Variants in MAN1C1 observed in about 807,000 individuals in gnomAD.
The protein encoded by MAN1C1 is mannosyl-oligosaccharide 1,2-alpha-mannosidase IC.
In MAN1C1, 49 loss-of-function variants were observed where a neutral mutation model predicts 71.5. That is an observed-to-expected ratio of 0.69 (90% CI 0.54 to 0.87). The LOEUF (loss-of-function observed/expected upper bound fraction) is 0.87, where lower values mean the gene tolerates loss of function less well. MAN1C1 is among the 40% of genes least tolerant of loss of function. The pLI, the probability that MAN1C1 is intolerant of heterozygous loss-of-function variation, is 0.00. For synonymous variants in MAN1C1, 352 were observed against 343.7 expected (o/e 1.02, Z -0.27); for missense variants, 743 against 835.0 (o/e 0.89, Z 1.36).
chr1:25,617,908 C>T lies in MAN1C1; in HGVS notation c.111C>T (p.Phe37=). The T allele has an allele frequency of 6.2e-7, 1 of 1,608,004 alleles. No homozygotes were observed. Among genetic ancestry groups the T allele is most frequent in the Non-Finnish European group, 8.5e-7 (1 of 1,177,930 alleles). The change falls in exon 1 of 12, where the codon TTC becomes TTT. Residue 37 remains phenylalanine (F), a synonymous_variant. Transcript: ENST00000374332. This position sits in a 1 kb window ranked among gnomAD's most constrained non-coding sequence, Gnocchi z 5.1. The part of the protein sequence containing the change: ...LFLSGLVTLC[F]GALFLLPHSS... ...TCTCGGGCCTGGTCACCCTGTGCTT[C>T]GGGGCCCTCTTCCTGCTGCCCCACT...
chr1:25,666,991 C>T (rs1008029721), intron 1 of MAN1C1, among the ~76,000 whole-genome samples: 1 of 152,184 alleles, frequency 6.6e-6, no homozygotes, highest in African/African-American at 2.4e-5. Flanking sequence ...TTTACAGGCC[C>T]CAGCAGGAAG....
At chr1:25,669,957 G>C (rs185388465) in intron 1 of MAN1C1, among the ~76,000 whole-genome samples, 2,134 of 152,282 alleles carry the variant, frequency 0.014, 32 homozygotes, top group Middle Eastern at 0.034. Flanking sequence ...ATCCTCTTTC[G>C]GTTCCAAGAA....
Position 25,783,807 on chromosome 1 carries a change from G to C in MAN1C1, c.*18G>C, listed in dbSNP as rs116631146. The C allele has an allele frequency of 1.1e-4, 177 of 1,605,204 alleles. No individual in the cohort carries two copies. The African/African-American group carries it at 2.0e-3, about 18-fold the overall frequency. Reference sequence around the variant, plus strand: ...GACACTGACCCCATCTCCTGCCGCCGCCCTGGGGCCGCCGCAGGGATGCCT... The same window carrying C: ...GACACTGACCCCATCTCCTGCCGCCCCCCTGGGGCCGCCGCAGGGATGCCT... On this transcript the variant is annotated 3_prime_UTR_variant, in exon 12 of 12. Transcript: ENST00000374332.
Position 25,746,447 on chromosome 1 carries a change from C to T in MAN1C1, c.638-221C>T, listed in dbSNP as rs940037222. 1.3e-5 allele frequency among the ~76,000 whole-genome samples: 2 copies of T among 152,184 alleles called. No homozygotes were observed. The highest frequency in any genetic ancestry group is 2.4e-5 in the African/African-American group (1 of 41,438). The stretch of plus-strand genomic sequence containing the variant: ...AGCCTGGGCCCTCGGTCTCTCTGGC[C>T]GCTGTTTGCTGCCTTGAGGAGGAAG... On this transcript the variant is annotated intron_variant, in intron 2 of 11. Transcript: ENST00000374332. This position sits in a 1 kb window ranked among gnomAD's most constrained non-coding sequence, Gnocchi z 4.0.
chr1:25,745,264 C>T (rs1221413620), intron 2 of MAN1C1, among the ~76,000 whole-genome samples: 2 of 152,132 alleles, frequency 1.3e-5, no homozygotes, highest in Non-Finnish European at 2.9e-5. Flanking sequence ...CTGGTTCGTG[C>T]ACTAGAATGA....
intron 1 of MAN1C1, among the ~76,000 whole-genome samples, chr1:25,682,714 G>A (rs537021506): frequency 1.3e-5 from 2 of 152,182 alleles, no homozygotes; most frequent in Admixed American, 6.5e-5. Flanking sequence ...CTGGGAAGGT[G>A]GAGAGCAGCC....
chr1:25,762,127 CTTTTT>C (rs869136886), intron 6 of MAN1C1, among the ~76,000 whole-genome samples: 477 of 27,658 alleles, frequency 0.017, 3 homozygotes, highest in African/African-American at 0.092. Context: ...CTTTTCTTTT[CTTTTT>C]TTTTTTTTTT....
chr1:25,771,815 C>T (rs775343436), intron 8 of MAN1C1, 43 bp downstream of exon 8: 1 of 1,506,048 alleles, frequency 6.6e-7, no homozygotes, highest in South Asian at 1.1e-5. Context: ...TGGTCACCAG[C>T]CCCCGGCTCT....
chr1:25,741,255 C>G (rs1053080298), intron 2 of MAN1C1, among the ~76,000 whole-genome samples: 3 of 152,182 alleles, frequency 2.0e-5, no homozygotes, highest in Non-Finnish European at 4.4e-5. Flanking sequence ...GCTGGGATTA[C>G]AGGCGTGAGC....
chr1:25,676,956 C>G (rs561612581), intron 1 of MAN1C1, among the ~76,000 whole-genome samples: 3 of 152,168 alleles, frequency 2.0e-5, no homozygotes, highest in African/African-American at 4.8e-5. Flanking sequence ...TCCTCCCCTC[C>G]TCTAATGCAT....
intron 1 of MAN1C1, among the ~76,000 whole-genome samples, chr1:25,633,164 C>T (rs1022759176): frequency 6.6e-6 from 1 of 152,082 alleles, no homozygotes; most frequent in Non-Finnish European, 1.5e-5. Flanking sequence ...TGTGCCTGGC[C>T]ACAATTTCGA....
intron 1 of MAN1C1, among the ~76,000 whole-genome samples, chr1:25,663,155 T>C (rs1338561163): frequency 6.8e-6 from 1 of 148,130 alleles, no homozygotes; most frequent in East Asian, 1.9e-4. Context: ...TAAATACATG[T>C]ATATATATTT....
In MAN1C1 at chr1:25,782,780, C is replaced by A; in HGVS notation, c.1766+80C>A. The A allele has an allele frequency of 9.3e-7, 1 of 1,076,038 alleles. No individual in the cohort carries two copies. 66.7% of individuals were successfully genotyped at this position (1,076,038 alleles called of 1,614,324 possible). A position where few individuals can be genotyped will look rare whatever the true frequency, so the allele number is the denominator to read the frequency against. ...GTCCGCAGTCCCTCCCCTCCACAGT[C>A]AGGTTCTGTGGTCACAGGACGGGAG... On this transcript the variant is annotated intron_variant, in intron 11 of 11. Coordinates refer to ENST00000374332, the MANE Select transcript of MAN1C1 (RefSeq NM_020379.4). The surrounding 1 kb of genome is among the most constrained non-coding windows in gnomAD (Gnocchi z 4.4).
intron 7 of MAN1C1, among the ~76,000 whole-genome samples, chr1:25,765,851 C>T (rs908945723): frequency 1.2e-4 from 18 of 152,234 alleles, no homozygotes; most frequent in African/African-American, 3.9e-4. Flanking sequence ...AGTGGCCTCC[C>T]GTAAAAACCA....
intron 3 of MAN1C1, among the ~76,000 whole-genome samples, chr1:25,747,540 G>C (rs992849359): frequency 6.6e-6 from 1 of 152,222 alleles, no homozygotes; most frequent in African/African-American, 2.4e-5. Flanking sequence ...GGCTCCATGT[G>C]GGCTCCGGGA....
At chr1:25,697,061 T>C (rs2046379741) in intron 2 of MAN1C1, among the ~76,000 whole-genome samples, 1 of 152,238 alleles carries the variant, frequency 6.6e-6, no homozygotes. Context: ...TATTGTATCA[T>C]GAACACTAGT....
chr1:25,701,410 G>A (rs1185831731), intron 2 of MAN1C1, among the ~76,000 whole-genome samples: 3 of 152,202 alleles, frequency 2.0e-5, no homozygotes, highest in Non-Finnish European at 2.9e-5. Flanking sequence ...TCTGAAGTGG[G>A]TGTCATTCTG....
chr1:25,683,378 G>A (rs538986133), intron 1 of MAN1C1, among the ~76,000 whole-genome samples: 11 of 152,224 alleles, frequency 7.2e-5, no homozygotes, highest in African/African-American at 1.4e-4. Context: ...TGTGGTCCAC[G>A]TTGAGTCTTC....
In MAN1C1 at chr1:25,782,774, C is replaced by A; in HGVS notation, c.1766+74C>A. 1 of 1,109,986 alleles carries A rather than the reference C, an allele frequency of 9.0e-7. No homozygotes were observed. The highest frequency in any genetic ancestry group is 1.3e-5 in the South Asian group (1 of 77,968). The allele number at this position is 1,109,986 out of a possible 1,614,324, so 68.8% of individuals were successfully genotyped here. A position where few individuals can be genotyped will look rare whatever the true frequency, so the allele number is the denominator to read the frequency against. ...GTAGGGGTCCGCAGTCCCTCCCCTC[C>A]ACAGTCAGGTTCTGTGGTCACAGGA... On this transcript the variant is annotated intron_variant, in intron 11 of 11. Coordinates refer to ENST00000374332, the MANE Select transcript of MAN1C1 (RefSeq NM_020379.4). This position sits in a 1 kb window ranked among gnomAD's most constrained non-coding sequence, Gnocchi z 4.4.
Sources: allele counts gnomAD v4.1 joint callset (sites outside exome capture counted in the v4.1 genomes callset), GRCh38; gene constraint gnomAD v4.1.1; non-coding constraint Gnocchi (gnomAD v3.1); transcripts MANE v1.5; gene names NCBI Gene and HGNC (gene_info 2026-07-23, HGNC 2026-07-21).